The following ARCN1 variants were observed in gnomAD, a reference collection of about 807,000 sequenced individuals.
The protein encoded by ARCN1 is coatomer subunit delta.
Under a neutral mutation model 60.4 loss-of-function variants are expected in ARCN1, and 5 were observed. That is an observed-to-expected ratio of 0.08 (90% CI 0.04 to 0.17). The LOEUF (loss-of-function observed/expected upper bound fraction) is 0.17. Among genes scored for constraint, ARCN1 ranks in the 10% least tolerant of loss-of-function variants. The probability of loss-of-function intolerance (pLI) is 1.00; values close to 1 mark genes in which losing one functional copy is unlikely to be tolerated. For synonymous variants in ARCN1, 224 were observed against 220.0 expected (o/e 1.02, Z -0.16); for missense variants, 464 against 626.5 (o/e 0.74, Z 2.77).
chr11:118,582,642 C>T (rs1030366374), intron 2 of ARCN1, among the ~76,000 whole-genome samples: 17 of 149,784 alleles, frequency 1.1e-4, no homozygotes, highest in African/African-American at 3.4e-4. Context: ...ATGAGAATTG[C>T]GTGAACCCAG....
chr11:118,588,093 C>G (rs1366460422), intron 5 of ARCN1, among the ~76,000 whole-genome samples: 1 of 152,186 alleles, frequency 6.6e-6, no homozygotes, highest in African/African-American at 2.4e-5. Flanking sequence ...GTTCAGCTGT[C>G]CAGAAGCTTC....
At chr11:118,572,582 G>A in intron 1 of ARCN1, 32 bp downstream of exon 1, 2 of 1,600,942 alleles carry the variant, frequency 1.2e-6, no homozygotes, top group South Asian at 1.1e-5. Flanking sequence ...GAACTCCTGG[G>A]GTCCGAGCCT....
intron 1 of ARCN1, among the ~76,000 whole-genome samples, chr11:118,574,694 T>A (rs1383024414): frequency 6.6e-6 from 1 of 152,076 alleles, no homozygotes; most frequent in Non-Finnish European, 1.5e-5. Context: ...AGTGAACAAA[T>A]GCAGAAACAA....
At chr11:118,577,692 AT>A (rs1938552580) in intron 1 of ARCN1, among the ~76,000 whole-genome samples, 1 of 152,178 alleles carries the variant, frequency 6.6e-6, no homozygotes, top group African/African-American at 2.4e-5. Flanking sequence ...TTTGTGTCTT[AT>A]CCCTATTAAG....
At position 118,593,645 on chromosome 11, in the gene ARCN1, G is replaced by T; in HGVS notation, c.1188G>T (p.Glu396Asp). Reference protein sequence around the residue: ...GNGCDVNIEYELQEDNLELND... With the variant: ...GNGCDVNIEYDLQEDNLELND... Reference sequence around the variant, plus strand: ...GCTGTGATGTCAACATAGAATATGAGCTACAAGAAGATAATTTAGAACTGA... The same window carrying T: ...GCTGTGATGTCAACATAGAATATGATCTACAAGAAGATAATTTAGAACTGA... The change falls in exon 8 of 10, where the codon GAG becomes GAT. Residue 396 changes from glutamate to aspartate, a missense_variant. Glu to Asp is a conservative substitution (Grantham distance 45). Around this residue, in one of 2 missense-constraint regions of ARCN1, gnomAD observed 359 missense variants for 440.2 expected, o/e 0.82. Transcript: ENST00000264028. 6.2e-7 allele frequency: 1 copy of T among 1,613,790 alleles called. No homozygotes were observed. The highest frequency in any genetic ancestry group is 2.2e-5 in the East Asian group (1 of 44,874).
intron 5 of ARCN1, among the ~76,000 whole-genome samples, chr11:118,588,382 G>A (rs1191996801): frequency 6.6e-6 from 1 of 152,174 alleles, no homozygotes; most frequent in Non-Finnish European, 1.5e-5. Context: ...TGCTCCTGAG[G>A]CCTAAAGTGC....
chr11:118,600,547 G>A (rs1215367735), intron 9 of ARCN1, 78 bp from the exon 10 acceptor site: 19 of 949,274 alleles, frequency 2.0e-5, no homozygotes, highest in South Asian at 4.4e-5. Flanking sequence ...AAATTGATAT[G>A]TTCTGTAATG....
At chr11:118,576,393 C>G (rs1414252568) in intron 1 of ARCN1, among the ~76,000 whole-genome samples, 1 of 120,808 alleles carries the variant, frequency 8.3e-6, no homozygotes, top group Non-Finnish European at 1.6e-5. Flanking sequence ...TTGCAAGTTC[C>G]TTTTAGATCT....
At chr11:118,575,411 GGTGTGTGTGT>G (rs56934953) in intron 1 of ARCN1, among the ~76,000 whole-genome samples, 1 of 149,084 alleles carries the variant, frequency 6.7e-6, no homozygotes, top group East Asian at 2.0e-4. Flanking sequence ...ACTGATAACG[GGTGTGTGTGT>G]GTGTGTGTGT....
chr11:118,598,041 A>T, intron 9 of ARCN1, 130 bp downstream of exon 9: 1 of 785,754 alleles, frequency 1.3e-6, no homozygotes, highest in South Asian at 1.8e-5. Flanking sequence ...TGTCTCCTAC[A>T]GGAATTCCCT....
intron 6 of ARCN1, among the ~76,000 whole-genome samples, chr11:118,592,117 G>A (rs1555076410): frequency 6.6e-6 from 1 of 152,030 alleles, no homozygotes; most frequent in Admixed American, 6.6e-5. Flanking sequence ...AATAGAGATA[G>A]GGTTTTGCCA....
At chr11:118,591,230 G>A (rs1019853049) in intron 6 of ARCN1, among the ~76,000 whole-genome samples, 3 of 152,112 alleles carry the variant, frequency 2.0e-5, no homozygotes, top group South Asian at 2.1e-4. Flanking sequence ...TCATTTAGCC[G>A]ACATCTCGTC....
chr11:118,590,618 G>A lies in ARCN1; in HGVS notation c.984+112G>A, dbSNP rs141818328. On this transcript the variant is annotated intron_variant, in intron 6 of 9. Coordinates refer to ENST00000264028, the MANE Select transcript of ARCN1 (RefSeq NM_001655.5). ...GAAAATTACTTAAGTTATATAACTAGCATCACTCTAAACGCTTAGGAAAGA... is the reference window on the plus strand; with the variant it reads ...GAAAATTACTTAAGTTATATAACTAACATCACTCTAAACGCTTAGGAAAGA... The A allele has an allele frequency of 1.0e-3, 1,122 of 1,123,130 alleles. 10 individuals carry two copies. The East Asian group carries it at 0.011, about 11-fold the overall frequency. 69.6% of individuals were successfully genotyped at this position (1,123,130 alleles called of 1,614,324 possible).
intron 5 of ARCN1, among the ~76,000 whole-genome samples, chr11:118,587,617 TTCTGTGATCAAG>T (rs1317344109): frequency 6.6e-6 from 1 of 152,194 alleles, no homozygotes; most frequent in Non-Finnish European, 1.5e-5. Flanking sequence ...CACAGAAGAC[TTCTGTGATCAAG>T]TGTGTTTAGA....
intron 6 of ARCN1, among the ~76,000 whole-genome samples, chr11:118,591,185 C>T (rs1313537599): frequency 6.6e-6 from 1 of 152,158 alleles, no homozygotes; most frequent in Admixed American, 6.5e-5. Context: ...TATATAAGCC[C>T]TGCTTTATGT....
At chr11:118,590,088 G>A (rs782140700) in intron 5 of ARCN1, among the ~76,000 whole-genome samples, 10 of 151,992 alleles carry the variant, frequency 6.6e-5, no homozygotes, top group East Asian at 3.9e-4. Flanking sequence ...CCTCTGCCTC[G>A]TGGTTCAAGC....
rs1462243608 is a variant in ARCN1, at chr11:118,577,924, G to A, written c.4-3322G>A. On this transcript the variant is annotated intron_variant, in intron 1 of 9. Coordinates refer to ENST00000264028, the MANE Select transcript of ARCN1 (RefSeq NM_001655.5). ...GTAATCCCAACACTTTGGAGGCCAA[G>A]GCGCGCAGATGACTTGAGGCCAGGA... Among the ~76,000 whole-genome samples, 9 of 152,268 alleles carry A rather than the reference G, an allele frequency of 5.9e-5. No individual in the cohort carries two copies. In the East Asian group the frequency reaches 1.5e-3, roughly 26 times the overall value.
intron 8 of ARCN1, chr11:118,593,942 G>A (rs2135552994): frequency 3.0e-6 from 1 of 329,148 alleles, no homozygotes; most frequent in Admixed American, 4.0e-5. Context: ...TCACTTCAGA[G>A]GGGCACAAGG....
chr11:118,597,424 A>C (rs1457585260), intron 8 of ARCN1, among the ~76,000 whole-genome samples: 3 of 152,238 alleles, frequency 2.0e-5, no homozygotes, highest in Non-Finnish European at 4.4e-5. Context: ...TGTTGGTCGC[A>C]GTCCCCAGAT....
Sources: allele counts gnomAD v4.1 joint callset (sites outside exome capture counted in the v4.1 genomes callset), GRCh38; gene constraint gnomAD v4.1.1; regional missense constraint gnomAD v4.1.1; transcripts MANE v1.5; gene names NCBI Gene and HGNC (gene_info 2026-07-23, HGNC 2026-07-21).